The following DOCK3 variants were observed in gnomAD, a reference collection of about 807,000 sequenced individuals.
DOCK3 encodes the protein dedicator of cytokinesis 3.
Under a neutral mutation model 265.6 loss-of-function variants are expected in DOCK3, and 60 were observed. That is an observed-to-expected ratio of 0.23 (90% CI 0.18 to 0.28). The LOEUF is 0.28. DOCK3 is among the 10% of genes least tolerant of loss of function. The probability of loss-of-function intolerance (pLI) is 1.00; values close to 1 mark genes in which losing one functional copy is unlikely to be tolerated. For missense variants in DOCK3, 1,981 were observed against 2,594.3 expected (o/e 0.76, Z 5.14); for synonymous variants, 881 against 938.0 (o/e 0.94, Z 1.11).
chr3:50,986,038 G>C (rs1290744365), intron 5 of DOCK3, among the ~76,000 whole-genome samples: 1 of 151,848 alleles, frequency 6.6e-6, no homozygotes, highest in Admixed American at 6.6e-5. Context: ...TCACTCCCCA[G>C]TCTGCAAGTA....
intron 4 of DOCK3, among the ~76,000 whole-genome samples, chr3:50,924,537 A>G (rs866701199): frequency 2.0e-5 from 3 of 152,214 alleles, no homozygotes; most frequent in Non-Finnish European, 4.4e-5. Flanking sequence ...TGAATAGTCT[A>G]CTGAAGGTTA....
At chr3:50,732,671 A>T (rs2038298967) in intron 1 of DOCK3, among the ~76,000 whole-genome samples, 1 of 152,166 alleles carries the variant, frequency 6.6e-6, no homozygotes, top group Non-Finnish European at 1.5e-5. Flanking sequence ...TCCGCCTCCC[A>T]AAGTGTTGGG....
intron 21 of DOCK3, among the ~76,000 whole-genome samples, chr3:51,239,199 TTTTATTTA>T (rs4028194): frequency 5.5e-5 from 8 of 146,718 alleles, no homozygotes; most frequent in Admixed American, 4.7e-4. Flanking sequence ...AAAGCGTACT[TTTTATTTA>T]TTTATTTATT....
chr3:51,044,229 G>A (rs535116576), intron 5 of DOCK3, among the ~76,000 whole-genome samples: 5 of 152,044 alleles, frequency 3.3e-5, no homozygotes, highest in Non-Finnish European at 5.9e-5. Flanking sequence ...CATATATACC[G>A]TGGAATACTA....
chr3:50,707,252 A>G (rs542077338), intron 1 of DOCK3, among the ~76,000 whole-genome samples: 1 of 151,718 alleles, frequency 6.6e-6, no homozygotes, highest in African/African-American at 2.4e-5. Flanking sequence ...CCTGGCCAAC[A>G]CGGTAAAACC....
intron 1 of DOCK3, among the ~76,000 whole-genome samples, chr3:50,697,978 T>G (rs535649766): frequency 1.7e-4 from 26 of 152,328 alleles, no homozygotes; most frequent in African/African-American, 5.5e-4. Context: ...CATCTTTTGC[T>G]TACTATTTTT....
At chr3:51,018,534 G>A (rs2079453969) in intron 5 of DOCK3, among the ~76,000 whole-genome samples, 1 of 150,052 alleles carries the variant, frequency 6.7e-6, no homozygotes, top group Non-Finnish European at 1.5e-5. Flanking sequence ...TTGAGTATCT[G>A]TTATGTAAAA....
intron 2 of DOCK3, among the ~76,000 whole-genome samples, chr3:50,810,592 A>G (rs2043692299): frequency 6.6e-6 from 1 of 152,158 alleles, no homozygotes; most frequent in Admixed American, 6.6e-5. Flanking sequence ...TTGCACACTT[A>G]CGGATGTTAC....
At position 51,375,830 on chromosome 3, in the gene DOCK3, A is replaced by C. The variant is rs914524711; in HGVS notation, c.5495A>C (p.Glu1832Ala). 1.2e-5 allele frequency: 20 copies of C among 1,613,650 alleles called. No homozygotes were observed. In the African/African-American group the frequency reaches 2.4e-4, roughly 19 times the overall value. Residue 1832 changes from glutamate to alanine, a missense_variant, in exon 51 of 53, where the codon GAA (glutamate) becomes GCA (alanine). By Grantham distance (107) the Glu-to-Ala change is moderately radical (BLOSUM62 -1). Around this residue, in one of 4 missense-constraint regions of DOCK3, gnomAD observed 1,357 missense variants for 1,866.8 expected, o/e 0.73. Coordinates refer to ENST00000266037, the MANE Select transcript of DOCK3 (RefSeq NM_004947.5). Reference protein sequence around the residue: ...PCSDPNLSVAEKGHYSLHFDA... With the variant: ...PCSDPNLSVAAKGHYSLHFDA... ...AGTGATCCCAATCTGTCTGTGGCTG[A>C]AAAAGGTATTGTTGCCCAGGTGGCC...
intron 2 of DOCK3, among the ~76,000 whole-genome samples, chr3:50,784,330 G>T (rs988002686): frequency 5.7e-4 from 87 of 152,082 alleles, no homozygotes; most frequent in African/African-American, 2.1e-3. Context: ...AAGTATTTGG[G>T]TTTATTTCTG....
intron 5 of DOCK3, among the ~76,000 whole-genome samples, chr3:50,960,790 A>G (rs535960133): frequency 1.3e-5 from 2 of 152,222 alleles, no homozygotes; most frequent in Admixed American, 1.3e-4. Context: ...ATTTTCTTCT[A>G]AGACTTTTAT....
chr3:51,159,405 A>G, intron 11 of DOCK3, 101 bp downstream of exon 11: 2 of 1,083,054 alleles, frequency 1.8e-6, no homozygotes, highest in Non-Finnish European at 2.8e-6. Flanking sequence ...CTTACCTGTA[A>G]TTTCAGGTCT....
intron 3 of DOCK3, chr3:50,881,257 A>G (rs1211115223): frequency 3.3e-5 from 5 of 152,256 alleles, no homozygotes; most frequent in Non-Finnish European, 7.3e-5. Context: ...TATTCAGCAT[A>G]GTGTTGGAAG....
chr3:51,083,218 G>T (rs1025699804), intron 7 of DOCK3, among the ~76,000 whole-genome samples: 5 of 152,142 alleles, frequency 3.3e-5, no homozygotes, highest in Non-Finnish European at 5.9e-5. Flanking sequence ...AAATCATATG[G>T]AGAGTCTGCT....
intron 7 of DOCK3, among the ~76,000 whole-genome samples, chr3:51,077,361 C>T (rs2082089546): frequency 6.6e-6 from 1 of 152,022 alleles, no homozygotes; most frequent in Admixed American, 6.6e-5. Context: ...ACATGATCAG[C>T]TTTACATTTT....
chr3:51,078,157 A>G (rs1027461858), intron 7 of DOCK3, among the ~76,000 whole-genome samples: 2 of 152,222 alleles, frequency 1.3e-5, no homozygotes, highest in Non-Finnish European at 2.9e-5. Context: ...GCAGAAGAAA[A>G]TGGTGATTGC....
At chr3:50,858,421 A>ATAT (rs1393993954) in intron 3 of DOCK3, among the ~76,000 whole-genome samples, 1 of 128,742 alleles carries the variant, frequency 7.8e-6, no homozygotes, top group Admixed American at 8.7e-5. Context: ...GTAACTTAAA[A>ATAT]TATAATAATA....
intron 3 of DOCK3, among the ~76,000 whole-genome samples, chr3:50,874,472 C>T (rs893032299): frequency 2.6e-5 from 4 of 151,718 alleles, no homozygotes; most frequent in African/African-American, 9.7e-5. Context: ...CTACTGCACT[C>T]CAGCCTGGTG....
intron 32 of DOCK3, among the ~76,000 whole-genome samples, chr3:51,317,685 G>T (rs955577877): frequency 9.3e-5 from 14 of 150,494 alleles, no homozygotes; most frequent in African/African-American, 3.2e-4. Context: ...AAAAAATTAG[G>T]TGAGGTGACA....
Sources: allele counts gnomAD v4.1 joint callset (sites outside exome capture counted in the v4.1 genomes callset), GRCh38; gene constraint gnomAD v4.1.1; regional missense constraint gnomAD v4.1.1; transcripts MANE v1.5; gene names NCBI Gene and HGNC (gene_info 2026-07-23, HGNC 2026-07-21).